Variants in ABHD17C observed in about 807,000 individuals in gnomAD.
ABHD17C encodes alpha/beta hydrolase domain-containing protein 17C.
Under a neutral mutation model 27.9 loss-of-function variants are expected in ABHD17C, and 11 were observed. That is an observed-to-expected ratio of 0.39 (90% CI 0.25 to 0.65). The LOEUF is 0.65. Ranked by LOEUF, ABHD17C falls within the 30% of genes least tolerant of loss-of-function variation. ABHD17C has a pLI of 0.45. For synonymous variants in ABHD17C, 233 were observed against 209.1 expected, an observed-to-expected ratio of 1.11 and a Z score of -0.98; for missense variants, 280 against 470.2, an observed-to-expected ratio of 0.60 and a Z score of 3.74.
At chr15:80,732,510 A>C (rs1459354782) in intron 1 of ABHD17C, among the ~76,000 whole-genome samples, 1 of 152,132 alleles carries the variant, frequency 6.6e-6, no homozygotes, top group Non-Finnish European at 1.5e-5. Context: ...TTTCATTTCT[A>C]TCCTGTGTTT....
chr15:80,725,842 T>A (rs938537902), intron 1 of ABHD17C, among the ~76,000 whole-genome samples: 33 of 139,806 alleles, frequency 2.4e-4, no homozygotes, highest in Non-Finnish European at 5.3e-4. Context: ...GTTTGTTTGT[T>A]TATATAGGCT....
intron 1 of ABHD17C, among the ~76,000 whole-genome samples, chr15:80,749,206 A>G (rs1236106711): frequency 6.6e-6 from 1 of 152,214 alleles, no homozygotes; most frequent in Admixed American, 6.5e-5. Flanking sequence ...TGAGATGACC[A>G]TCTTTGTAGC....
At chr15:80,732,035 A>C (rs932817511) in intron 1 of ABHD17C, among the ~76,000 whole-genome samples, 1 of 152,210 alleles carries the variant, frequency 6.6e-6, no homozygotes, top group Non-Finnish European at 1.5e-5. Context: ...TTAAAGTGCC[A>C]TTTACATCTG....
At chr15:80,728,032 C>G (rs1895005583) in intron 1 of ABHD17C, among the ~76,000 whole-genome samples, 1 of 152,168 alleles carries the variant, frequency 6.6e-6, no homozygotes, top group Admixed American at 6.5e-5. Context: ...GCTCTGCTGC[C>G]TAAGAGCGTT....
At position 80,709,634 on chromosome 15, in the gene ABHD17C, G is replaced by C. The variant is rs187254455; in HGVS notation, c.590+13615G>C. On this transcript the variant is annotated intron_variant, in intron 1 of 2. Coordinates refer to ENST00000258884, the MANE Select transcript of ABHD17C (RefSeq NM_021214.2). ...CCTGGATCTCCTGCTTTCATCCCGT[G>C]TAGTGTGAATATCCTGGGCTGTTGA... Among the ~76,000 whole-genome samples the C allele has an allele frequency of 5.3e-5, 8 of 152,090 alleles. No individual in the cohort carries two copies. The East Asian group carries it at 1.5e-3, about 29-fold the overall frequency.
chr15:80,704,710 CCCT>C (rs1894620876), intron 1 of ABHD17C: 2 of 152,158 alleles, frequency 1.3e-5, no homozygotes, highest in Non-Finnish European at 2.9e-5. Flanking sequence ...AGGCTTCTGC[CCCT>C]CCTCTAGTTG....
At chr15:80,745,702 G>A (rs377590640) in intron 1 of ABHD17C, among the ~76,000 whole-genome samples, 1 of 152,120 alleles carries the variant, frequency 6.6e-6, no homozygotes, top group South Asian at 2.1e-4. Flanking sequence ...TGGTGGTGAC[G>A]GGTGCACCAA....
chr15:80,729,964 C>T (rs1469127140), intron 1 of ABHD17C, among the ~76,000 whole-genome samples: 2 of 152,032 alleles, frequency 1.3e-5, no homozygotes, highest in Non-Finnish European at 2.9e-5. Context: ...AAAAAATACA[C>T]AAAAATTAGC....
At chr15:80,713,356 T>TTTTTTTTTTTG (rs1894754309) in intron 1 of ABHD17C, among the ~76,000 whole-genome samples, 1 of 37,966 alleles carries the variant, frequency 2.6e-5, no homozygotes, top group African/African-American at 5.4e-5. Flanking sequence ...GTCTTGTTCT[T>TTTTTTTTTTTG]TTTTTTTTTT....
chr15:80,755,356 A>G lies in ABHD17C; in HGVS notation c.*986A>G, dbSNP rs1314069246. The G allele has an allele frequency of 6.6e-6, 1 of 152,224 alleles. No individual in the cohort carries two copies. The highest frequency in any genetic ancestry group is 6.5e-5 in the Admixed American group (1 of 15,288). The allele number at this position is 152,224 out of a possible 1,614,324, so 9.4% of individuals were successfully genotyped here. On this transcript the variant is annotated 3_prime_UTR_variant, in exon 3 of 3. Transcript: ENST00000258884. ...CTAAACTAATCTTTTTAGTTTAGGA[A>G]TTATTTGGGTTTTGACACTGGAAGT...
chr15:80,705,367 G>GT lies in ABHD17C; in HGVS notation c.590+9348_590+9349insT, dbSNP rs57722326. On this transcript the variant is annotated intron_variant, in intron 1 of 2. Transcript: ENST00000258884. The stretch of plus-strand genomic sequence containing the variant: ...TGTGTGTGTGTGTGTGTGTGTGTGT[G>GT]GTTAGGAGCATATATTTTAGAGTTC... Among the ~76,000 whole-genome samples, 133 of 150,212 alleles carry GT rather than the reference G, an allele frequency of 8.9e-4. 1 individual carries two copies. The South Asian group carries it at 0.015, about 17-fold the overall frequency.
intron 1 of ABHD17C, among the ~76,000 whole-genome samples, chr15:80,723,138 A>ATGTGTGTGTGTGTGTGTGTGTG (rs57751486): frequency 3.2e-5 from 4 of 124,936 alleles, no homozygotes; most frequent in East Asian, 3.1e-4. Context: ...GTGTGTATAT[A>ATGTGTGTGTGTGTGTGTGTGTG]TGTGTGTGTG....
At chr15:80,719,407 G>A (rs1404209171) in intron 1 of ABHD17C, among the ~76,000 whole-genome samples, 4 of 152,094 alleles carry the variant, frequency 2.6e-5, no homozygotes, top group East Asian at 1.9e-4. Context: ...CCTTGCATGA[G>A]CACCCGAACT....
intron 1 of ABHD17C, among the ~76,000 whole-genome samples, chr15:80,699,908 A>G (rs1318778666): frequency 6.6e-6 from 1 of 152,252 alleles, no homozygotes; most frequent in Non-Finnish European, 1.5e-5. Flanking sequence ...CCCCAAGATC[A>G]AAACTTGTTT....
intron 1 of ABHD17C, among the ~76,000 whole-genome samples, chr15:80,734,789 G>T (rs1414711870): frequency 1.3e-5 from 2 of 152,134 alleles, no homozygotes; most frequent in Admixed American, 1.3e-4. Context: ...CAAACATCTA[G>T]GATAGAATGA....
intron 1 of ABHD17C, among the ~76,000 whole-genome samples, chr15:80,707,550 A>G (rs1894664191): frequency 6.6e-6 from 1 of 151,530 alleles, no homozygotes; most frequent in Non-Finnish European, 1.5e-5. Context: ...TAATACTAGC[A>G]ATAGCTGATG....
At chr15:80,729,196 G>C (rs963183568) in intron 1 of ABHD17C, among the ~76,000 whole-genome samples, 2 of 152,066 alleles carry the variant, frequency 1.3e-5, no homozygotes, top group Non-Finnish European at 2.9e-5. Context: ...CTGGTTCCTG[G>C]GAGGCCTCAC....
At chr15:80,733,562 A>G (rs1025280147) in intron 1 of ABHD17C, among the ~76,000 whole-genome samples, 8 of 152,190 alleles carry the variant, frequency 5.3e-5, no homozygotes, top group Admixed American at 5.2e-4. Flanking sequence ...GGATGCTCCA[A>G]AAAGACAGAA....
intron 1 of ABHD17C, chr15:80,702,903 A>C (rs1567030204): frequency 6.6e-6 from 1 of 152,232 alleles, no homozygotes; most frequent in Non-Finnish European, 1.5e-5. Flanking sequence ...CAAAAAAGAC[A>C]AACAAAACCT....
Sources: allele counts gnomAD v4.1 joint callset (sites outside exome capture counted in the v4.1 genomes callset), GRCh38; gene constraint gnomAD v4.1.1; transcripts MANE v1.5; gene names NCBI Gene and HGNC (gene_info 2026-07-23, HGNC 2026-07-21).